SLCO1A2: variants seen among roughly 807,000 people sequenced by gnomAD.
SLCO1A2 encodes the protein solute carrier organic anion transporter family member 1A2.
SLCO1A2 carries 67 observed loss-of-function variants against 69.0 expected under a neutral mutation model. The ratio of observed to expected loss-of-function variants is 0.97; its 90% CI spans 0.80 to 1.19. The LOEUF is 1.19. SLCO1A2 is among the 50% of genes most tolerant of loss of function. SLCO1A2 has a pLI of 0.00. For synonymous variants in SLCO1A2, 260 were observed against 265.9 expected (o/e 0.98, Z 0.22); for missense variants, 787 against 793.7 (o/e 0.99, Z 0.10).
At chr12:21,373,667 T>C in intron 2 of SLCO1A2, 1 of 701,386 alleles carries the variant, frequency 1.4e-6, no homozygotes, top group East Asian at 2.7e-5. Context: ...TCCAGTTTTG[T>C]CAAGAAATAT....
chr12:21,360,867 G>A (rs1021466680), intron 2 of SLCO1A2, among the ~76,000 whole-genome samples: 2 of 152,180 alleles, frequency 1.3e-5, no homozygotes, highest in African/African-American at 4.8e-5. Flanking sequence ...TGAGGCTTGA[G>A]AAGGTAAACA....
intron 2 of SLCO1A2, among the ~76,000 whole-genome samples, chr12:21,372,108 A>G (rs1033012997): frequency 6.6e-6 from 1 of 152,232 alleles, no homozygotes; most frequent in African/African-American, 2.4e-5. Context: ...CAAACTACAA[A>G]GTACTGTGTG....
At chr12:21,299,770 GTATATATATATATATA>G (rs749456623) in intron 8 of SLCO1A2, among the ~76,000 whole-genome samples, 1 of 129,706 alleles carries the variant, frequency 7.7e-6, no homozygotes. Flanking sequence ...ATATACGTGT[GTATATATATATATATA>G]TATACACACA....
chr12:21,282,941 A>G (rs1287691924), intron 12 of SLCO1A2, among the ~76,000 whole-genome samples: 5 of 152,094 alleles, frequency 3.3e-5, no homozygotes, highest in Non-Finnish European at 5.9e-5. Context: ...CAAATAAATG[A>G]AAATATATTA....
intron 2 of SLCO1A2, among the ~76,000 whole-genome samples, chr12:21,363,752 G>C (rs59175898): frequency 0.14 from 21,336 of 152,122 alleles, 1,610 homozygotes; most frequent in Middle Eastern, 0.2. Context: ...ACTACTATCA[G>C]AGAATACTAT....
At chr12:21,349,583 A>G (rs117415971) in intron 2 of SLCO1A2, among the ~76,000 whole-genome samples, 3 of 152,200 alleles carry the variant, frequency 2.0e-5, no homozygotes, top group Non-Finnish European at 2.9e-5. Context: ...GAAACATCTA[A>G]CCCTCAAAAT....
intron 12 of SLCO1A2, among the ~76,000 whole-genome samples, chr12:21,284,093 T>G (rs915291327): frequency 6.6e-6 from 1 of 152,168 alleles, no homozygotes; most frequent in Non-Finnish European, 1.5e-5. Context: ...AGGAAGTCAG[T>G]GTATCGAAGA....
At chr12:21,386,122 A>C (rs957360068) in intron 1 of SLCO1A2, among the ~76,000 whole-genome samples, 1 of 152,234 alleles carries the variant, frequency 6.6e-6, no homozygotes, top group Non-Finnish European at 1.5e-5. Flanking sequence ...AAGAGCAAAA[A>C]GTCAATAGGA....
At chr12:21,317,346 C>G (rs1234076950) in intron 3 of SLCO1A2, among the ~76,000 whole-genome samples, 4 of 152,138 alleles carry the variant, frequency 2.6e-5, no homozygotes, top group Non-Finnish European at 5.9e-5. Flanking sequence ...AATGTTGCTT[C>G]TCACATAGGC....
intron 2 of SLCO1A2, among the ~76,000 whole-genome samples, chr12:21,328,803 G>A (rs1297360782): frequency 6.6e-6 from 1 of 152,138 alleles, no homozygotes; most frequent in Non-Finnish European, 1.5e-5. Flanking sequence ...AGAGGCCAGT[G>A]CCACTCCAGG....
chr12:21,390,903 T>C (rs1017367558), intron 1 of SLCO1A2, among the ~76,000 whole-genome samples: 2 of 152,202 alleles, frequency 1.3e-5, no homozygotes, highest in African/African-American at 4.8e-5. Context: ...CACTGAAAAG[T>C]TGTCAGCCTT....
At chr12:21,408,713 CGTGTGT>C (rs3060712) in intron 1 of SLCO1A2, among the ~76,000 whole-genome samples, 4,221 of 149,926 alleles carry the variant, frequency 0.028, 52 homozygotes, top group Middle Eastern at 0.056. Context: ...TCAGCGCATG[CGTGTGT>C]GTGTGTGTGT....
At chr12:21,317,527 C>A (rs1361538067) in intron 3 of SLCO1A2, among the ~76,000 whole-genome samples, 1 of 152,096 alleles carries the variant, frequency 6.6e-6, no homozygotes, top group Non-Finnish European at 1.5e-5. Context: ...TGCTACCAAA[C>A]TTACTTCATT....
At chr12:21,298,629 G>C (rs1452844290) in intron 8 of SLCO1A2, among the ~76,000 whole-genome samples, 1 of 152,102 alleles carries the variant, frequency 6.6e-6, no homozygotes, top group East Asian at 1.9e-4. Context: ...ACAGGAGAGA[G>C]AGTTATCTGA....
At chr12:21,303,929 T>C (rs1290812662) in intron 6 of SLCO1A2, among the ~76,000 whole-genome samples, 1 of 152,110 alleles carries the variant, frequency 6.6e-6, no homozygotes, top group Non-Finnish European at 1.5e-5. Context: ...GTGTCATAAA[T>C]ATAGTAGAGA....
At position 21,266,814 on chromosome 12, in the gene SLCO1A2, A is replaced by C. The variant is rs1942110664; in HGVS notation, c.*2734T>G. The C allele has an allele frequency of 6.6e-6, 1 of 152,116 alleles. No homozygotes were observed. Among genetic ancestry groups the C allele is most frequent in the South Asian group, 2.1e-4 (1 of 4,822 alleles). The allele number at this position is 152,116 out of a possible 1,614,324, so 9.4% of individuals were successfully genotyped here. A position where few individuals can be genotyped will look rare whatever the true frequency, so the allele number is the denominator to read the frequency against. ...TGCAATAAAAAATTAATTAAAATAA[A>C]ACCATAGGTGGATTCACAAAGAAAC... On this transcript the variant is annotated 3_prime_UTR_variant, in exon 15 of 15. Coordinates refer to ENST00000683939, the MANE Select transcript of SLCO1A2 (RefSeq NM_001386879.1).
intron 2 of SLCO1A2, among the ~76,000 whole-genome samples, chr12:21,329,753 T>A (rs1399001436): frequency 1.6e-5 from 2 of 126,866 alleles, no homozygotes; most frequent in African/African-American, 3.4e-5. Context: ...AAATAACTCT[T>A]AGAAAAAAAA....
intron 1 of SLCO1A2, among the ~76,000 whole-genome samples, chr12:21,384,739 CA>C (rs1010889813): frequency 6.7e-5 from 10 of 148,206 alleles, no homozygotes; most frequent in Non-Finnish European, 1.5e-4. Context: ...TTAAATATAT[CA>C]AAAAAATATG....
upstream of SLCO1A2, among the ~76,000 whole-genome samples, chr12:21,338,140 T>C (rs913456265): frequency 6.6e-6 from 1 of 152,008 alleles, no homozygotes; most frequent in African/African-American, 2.4e-5. Flanking sequence ...CAAGTAATTC[T>C]AGAGAATGAG....
Sources: allele counts gnomAD v4.1 joint callset (sites outside exome capture counted in the v4.1 genomes callset), GRCh38; gene constraint gnomAD v4.1.1; transcripts MANE v1.5; gene names NCBI Gene and HGNC (gene_info 2026-07-23, HGNC 2026-07-21).